Variants in TSC22D4 observed in about 807,000 individuals in gnomAD.
TSC22D4 encodes the protein TSC22 domain family protein 4.
A neutral mutation model predicts 24.9 loss-of-function variants in TSC22D4; 5 were observed. That is an observed-to-expected ratio of 0.20 (90% CI 0.10 to 0.42). TSC22D4 has a LOEUF of 0.42. Among genes scored for constraint, TSC22D4 ranks in the 10% least tolerant of loss-of-function variants. TSC22D4 has a pLI of 1.00. For synonymous variants in TSC22D4, 245 were observed against 243.2 expected (o/e 1.01, Z -0.07); for missense variants, 469 against 547.9 (o/e 0.86, Z 1.44).
chr7:100,473,015 C>T (rs990824649), intron 3 of TSC22D4, among the ~76,000 whole-genome samples: 1 of 151,980 alleles, frequency 6.6e-6, no homozygotes, highest in African/African-American at 2.4e-5. Flanking sequence ...AAAAGAAAAG[C>T]GGTGACTCCC....
rs764277266 is a variant in TSC22D4, at chr7:100,477,682, G to A, written c.357C>T (p.Ala119=). ...ACCTGGAATCCAAAGATCTGCCCCC[G>A]GCGCCCCCTGAGGCCCCTCGAATTC... ...LEGIRGASGG[A]GGRSLDSRLE... Residue 119 remains alanine (A), a synonymous_variant, in exon 2 of 5, where the codon GCC becomes GCT. Coordinates refer to ENST00000300181, the MANE Select transcript of TSC22D4 (RefSeq NM_030935.5). This position sits in a 1 kb window ranked among gnomAD's most constrained non-coding sequence, Gnocchi z 7.8. 12 of 1,592,132 alleles carry A rather than the reference G, an allele frequency of 7.5e-6. No homozygotes were observed. The highest frequency in any genetic ancestry group is 5.2e-5 in the Admixed American group (3 of 58,136).
intron 3 of TSC22D4, among the ~76,000 whole-genome samples, chr7:100,473,235 C>T (rs1254161609): frequency 6.6e-6 from 1 of 152,148 alleles, no homozygotes; most frequent in African/African-American, 2.4e-5. Context: ...GCCCCTTTGC[C>T]GTTCCTAGCT....
In TSC22D4 at chr7:100,477,888, C is replaced by T. The variant is rs759880643; in HGVS notation, c.151G>A (p.Asp51Asn). Residue 51 changes from aspartate (D) to asparagine (N), a missense_variant, in exon 2 of 5, where the codon GAT becomes AAT. Transcript: ENST00000300181. This position sits in a 1 kb window ranked among gnomAD's most constrained non-coding sequence, Gnocchi z 7.8. ...PRLPNGEPSP[D>N]PGGKGTPRNG... ...CGGGGGGTGCCCTTGCCCCCCGGAT[C>T]GGGGCTGGGCTCCCCATTGGGCAGG... The T allele has an allele frequency of 2.5e-5, 38 of 1,500,602 alleles. No individual in the cohort carries two copies. Among genetic ancestry groups the T allele is most frequent in the East Asian group, 1.3e-4 (5 of 38,014 alleles). 93.0% of individuals were successfully genotyped at this position (1,500,602 alleles called of 1,614,324 possible).
In TSC22D4 at chr7:100,467,502, G is replaced by C. The variant is rs373317215; in HGVS notation, c.978+50C>G. On this transcript the variant is annotated intron_variant, in intron 4 of 4. Coordinates refer to ENST00000300181, the MANE Select transcript of TSC22D4 (RefSeq NM_030935.5). The stretch of plus-strand genomic sequence containing the variant: ...GAAGAGGACAGGGCTGGGGCAGAGG[G>C]ATGGCTTAAGGGGGCCAGGACCTCC... 45 of 1,588,766 alleles carry C rather than the reference G, an allele frequency of 2.8e-5. No homozygotes were observed. The African/African-American group carries it at 5.9e-4, about 21-fold the overall frequency.
rs1799539222 is a variant in TSC22D4, at chr7:100,477,946, A to G, written c.93T>C (p.Pro31=). 2 of 1,399,474 alleles carry G rather than the reference A, an allele frequency of 1.4e-6. No individual in the cohort carries two copies. Among genetic ancestry groups the G allele is most frequent in the African/African-American group, 1.5e-5 (1 of 67,940 alleles). 86.7% of individuals were successfully genotyped at this position (1,399,474 alleles called of 1,614,324 possible). A position where few individuals can be genotyped will look rare whatever the true frequency, so the allele number is the denominator to read the frequency against. Residue 31 remains proline, a synonymous_variant, in exon 2 of 5, where the codon CCT becomes CCC. Transcript: ENST00000300181. The surrounding 1 kb of genome is among the most constrained non-coding windows in gnomAD (Gnocchi z 7.8). ...GPGSPGASDP[P]TPQPPTGPPP... is the part of the protein sequence containing the mutation. ...GGGGCCCGGTTGGGGGCTGTGGGGT[A>G]GGGGGATCCGAAGCCCCTGGGCTCC...
At chr7:100,469,656 C>G (rs536305199) in intron 3 of TSC22D4, among the ~76,000 whole-genome samples, 2 of 152,124 alleles carry the variant, frequency 1.3e-5, no homozygotes, top group Non-Finnish European at 2.9e-5. Context: ...GGCGCTGTGG[C>G]GGGATCCCCA....
rs944504565 is a variant in TSC22D4, at chr7:100,477,715, G to T, written c.324C>A (p.Leu108=). Residue 108 remains leucine (L), a synonymous_variant, in exon 2 of 5, where the codon CTC becomes CTA. Coordinates refer to ENST00000300181, the MANE Select transcript of TSC22D4 (RefSeq NM_030935.5). This position sits in a 1 kb window ranked among gnomAD's most constrained non-coding sequence, Gnocchi z 7.8. The part of the protein sequence containing the change: ...RDLEPHSFGG[L]LEGIRGASGG... Reference sequence around the variant, plus strand: ...CTGAGGCCCCTCGAATTCCCTCCAGGAGTCCGCCGAAGCTGTGGGGCTCCA... The same window carrying T: ...CTGAGGCCCCTCGAATTCCCTCCAGTAGTCCGCCGAAGCTGTGGGGCTCCA... 11 of 1,599,896 alleles carry T rather than the reference G, an allele frequency of 6.9e-6. No individual in the cohort carries two copies. The highest frequency in any genetic ancestry group is 9.3e-6 in the Non-Finnish European group (11 of 1,178,980).
intron 3 of TSC22D4, among the ~76,000 whole-genome samples, chr7:100,469,092 TG>T: frequency 6.7e-6 from 1 of 150,326 alleles, no homozygotes; most frequent in South Asian, 2.1e-4. Flanking sequence ...CTGGGCATGG[TG>T]GGGGGTGCCT....
At chr7:100,468,012 G>A (rs1563179510) in intron 3 of TSC22D4, 1 of 468,812 alleles carries the variant, frequency 2.1e-6, no homozygotes, top group East Asian at 6.8e-5. Flanking sequence ...TGCCTGGGGG[G>A]CTCAGAGCCC....
In TSC22D4 at chr7:100,477,724, G is replaced by A. The variant is rs565296019; in HGVS notation, c.315C>T (p.Phe105=). ...VYERDLEPHS[F]GGLLEGIRGA... The stretch of plus-strand genomic sequence containing the variant: ...CTCGAATTCCCTCCAGGAGTCCGCC[G>A]AAGCTGTGGGGCTCCAGGTCTCGCT... The change falls in exon 2 of 5, where the codon TTC becomes TTT. Residue 105 remains phenylalanine, a synonymous_variant. Coordinates refer to ENST00000300181, the MANE Select transcript of TSC22D4 (RefSeq NM_030935.5). This position sits in a 1 kb window ranked among gnomAD's most constrained non-coding sequence, Gnocchi z 7.8. The A allele has an allele frequency of 6.2e-6, 10 of 1,601,330 alleles. No homozygotes were observed. The highest frequency in any genetic ancestry group is 3.3e-5 in the Admixed American group (2 of 59,746).
In TSC22D4 at chr7:100,466,889, T is replaced by G; in HGVS notation, c.*70A>C. The G allele has an allele frequency of 1.4e-6, 2 of 1,402,246 alleles. No homozygotes were observed. Among genetic ancestry groups the G allele is most frequent in the Non-Finnish European group, 1.9e-6 (2 of 1,045,652 alleles). 86.9% of individuals were successfully genotyped at this position (1,402,246 alleles called of 1,614,324 possible). On this transcript the variant is annotated 3_prime_UTR_variant, in exon 5 of 5. Coordinates refer to ENST00000300181, the MANE Select transcript of TSC22D4 (RefSeq NM_030935.5). Reference sequence around the variant, plus strand: ...GGGACACGGGGACATTAAAGCTGCATAGGAAGAGGGGGCAGGCGGCTGACG... The same window carrying G: ...GGGACACGGGGACATTAAAGCTGCAGAGGAAGAGGGGGCAGGCGGCTGACG...
chr7:100,477,306 C>G lies in TSC22D4; in HGVS notation c.733G>C (p.Glu245Gln). 6.6e-7 allele frequency: 1 copy of G among 1,522,690 alleles called. No homozygotes were observed. Among genetic ancestry groups the G allele is most frequent in the Non-Finnish European group, 8.8e-7 (1 of 1,136,268 alleles). The allele number at this position is 1,522,690 out of a possible 1,614,324, so 94.3% of individuals were successfully genotyped here. ...RKAVDMRLRM[E>Q]LGAPEEMGQV... ...CCCATCTCTTCTGGAGCACCCAACTCCATCCGCAGCCGCATGTCTACAGCT... is the reference window on the plus strand; with the variant it reads ...CCCATCTCTTCTGGAGCACCCAACTGCATCCGCAGCCGCATGTCTACAGCT... Residue 245 changes from glutamate to glutamine, a missense_variant, in exon 2 of 5, where the codon GAG (glutamate) becomes CAG (glutamine). Physicochemically the swap from Glu to Gln is conservative, Grantham distance 29. Transcript: ENST00000300181. This position sits in a 1 kb window ranked among gnomAD's most constrained non-coding sequence, Gnocchi z 7.8.
intron 4 of TSC22D4, 61 bp from the exon 5 acceptor site, chr7:100,467,229 C>T: frequency 1.3e-6 from 2 of 1,541,036 alleles, no homozygotes; most frequent in Non-Finnish European, 9.0e-7. Context: ...CTGCCCAGTG[C>T]CTTGAGGGCT....
chr7:100,474,544 C>G lies in TSC22D4; in HGVS notation c.763-104G>C, dbSNP rs1799458097. 7.3e-7 allele frequency: 1 copy of G among 1,379,264 alleles called. No individual in the cohort carries two copies. Among genetic ancestry groups the G allele is most frequent in the Admixed American group, 2.1e-5 (1 of 46,518 alleles). The allele number at this position is 1,379,264 out of a possible 1,614,324, so 85.4% of individuals were successfully genotyped here. A position where few individuals can be genotyped will look rare whatever the true frequency, so the allele number is the denominator to read the frequency against. On this transcript the variant is annotated intron_variant, in intron 2 of 4. Transcript: ENST00000300181. This position sits in a 1 kb window ranked among gnomAD's most constrained non-coding sequence, Gnocchi z 4.3. ...CTTCCTCCCTCTCCACCTCCCCACTCTCTTTCGAGGACCCAGGAGTCCTGT... is the reference window on the plus strand; with the variant it reads ...CTTCCTCCCTCTCCACCTCCCCACTGTCTTTCGAGGACCCAGGAGTCCTGT...
intron 1 of TSC22D4, 29 bp from the exon 2 acceptor site, chr7:100,478,336 A>G (rs1373393794): frequency 3.4e-6 from 1 of 293,168 alleles, no homozygotes; most frequent in Non-Finnish European, 6.1e-6. Context: ...AGAGAGAGAG[A>G]GAGAGAGAGA....
chr7:100,474,264 G>A lies in TSC22D4; in HGVS notation c.929+10C>T, dbSNP rs765401846. ...ACCCCACGCCCCACCACCCCACGAA[G>A]CCCACCTACCTATCATCGTCGCTGT... On this transcript the variant is annotated intron_variant, in intron 3 of 4. Coordinates refer to ENST00000300181, the MANE Select transcript of TSC22D4 (RefSeq NM_030935.5). This position sits in a 1 kb window ranked among gnomAD's most constrained non-coding sequence, Gnocchi z 4.3. The A allele has an allele frequency of 1.9e-6, 3 of 1,612,430 alleles. No homozygotes were observed. In the South Asian group the frequency reaches 3.3e-5, roughly 18 times the overall value.
chr7:100,467,810 T>TG (rs1799314919), intron 3 of TSC22D4: 1 of 699,000 alleles, frequency 1.4e-6, no homozygotes, highest in South Asian at 1.5e-5. Context: ...GTCCCTCGGA[T>TG]GGGGGATGCA....
chr7:100,471,347 C>A (rs2131044794), intron 3 of TSC22D4, among the ~76,000 whole-genome samples: 1 of 152,264 alleles, frequency 6.6e-6, no homozygotes, highest in South Asian at 2.1e-4. Flanking sequence ...CACAGGCATC[C>A]CAGTAGGACA....
intron 2 of TSC22D4, among the ~76,000 whole-genome samples, chr7:100,476,001 G>A (rs752272999): frequency 5.3e-5 from 8 of 151,628 alleles, no homozygotes; most frequent in East Asian, 3.9e-4. Flanking sequence ...AAACAGATGC[G>A]TGCAAACAGA....
Sources: allele counts gnomAD v4.1 joint callset (sites outside exome capture counted in the v4.1 genomes callset), GRCh38; gene constraint gnomAD v4.1.1; non-coding constraint Gnocchi (gnomAD v3.1); transcripts MANE v1.5; gene names NCBI Gene and HGNC (gene_info 2026-07-23, HGNC 2026-07-21).